EYA2: variants seen among roughly 807,000 people sequenced by gnomAD.
EYA2 encodes the protein protein phosphatase EYA2.
In EYA2, 31 loss-of-function variants were observed where a neutral mutation model predicts 69.2. That is an observed-to-expected ratio of 0.45 (90% CI 0.34 to 0.60). The LOEUF (loss-of-function observed/expected upper bound fraction) is 0.60, where lower values mean the gene tolerates loss of function less well. Among genes scored for constraint, EYA2 ranks in the 20% least tolerant of loss-of-function variants. The pLI is 0.02. For missense variants in EYA2, 622 were observed against 701.2 expected (o/e 0.89, Z 1.28); for synonymous variants, 257 against 279.4 (o/e 0.92, Z 0.80).
chr20:46,984,341 G>A (rs1981038335), intron 1 of EYA2, among the ~76,000 whole-genome samples: 1 of 150,828 alleles, frequency 6.6e-6, no homozygotes, highest in East Asian at 1.9e-4. Context: ...AAAACACATT[G>A]AATACCTAGA....
intron 11 of EYA2, 38 bp downstream of exon 11, chr20:47,169,235 T>C (rs3091653): frequency 0.53 from 846,451 of 1,589,888 alleles, 228,927 homozygotes; most frequent in African/African-American, 0.76. Flanking sequence ...CATTGATTGA[T>C]TGATTGATTA....
At chr20:46,939,739 T>C (rs1357014053) in intron 1 of EYA2, among the ~76,000 whole-genome samples, 1 of 152,218 alleles carries the variant, frequency 6.6e-6, no homozygotes, top group African/African-American at 2.4e-5. Flanking sequence ...TGTAAGAGTC[T>C]AACAGATGAC....
At chr20:47,057,524 T>A (rs1317201515) in intron 5 of EYA2, among the ~76,000 whole-genome samples, 1 of 122,078 alleles carries the variant, frequency 8.2e-6, no homozygotes, top group Admixed American at 7.9e-5. Flanking sequence ...CCCCCCCCCA[T>A]CTCATACCTC....
chr20:47,031,518 A>G (rs1280917822), intron 5 of EYA2, among the ~76,000 whole-genome samples: 2 of 152,230 alleles, frequency 1.3e-5, no homozygotes, highest in Non-Finnish European at 2.9e-5. Flanking sequence ...TAGGTCAGAC[A>G]CAGTGAAGCC....
At chr20:47,126,488 G>A (rs1164697647) in intron 9 of EYA2, among the ~76,000 whole-genome samples, 1 of 152,200 alleles carries the variant, frequency 6.6e-6, no homozygotes, top group African/African-American at 2.4e-5. Context: ...CTGTCTGGCT[G>A]CAGGAGTCAG....
At chr20:46,911,231 T>TTGTGTG (rs140564632) in intron 1 of EYA2, among the ~76,000 whole-genome samples, 8,488 of 148,256 alleles carry the variant, frequency 0.057, 344 homozygotes, top group East Asian at 0.24. Context: ...GCTGGATAAT[T>TTGTGTG]TGTGTGTGTG....
At chr20:47,011,506 C>T (rs1204718024) in intron 4 of EYA2, among the ~76,000 whole-genome samples, 1 of 152,164 alleles carries the variant, frequency 6.6e-6, no homozygotes, top group Non-Finnish European at 1.5e-5. Context: ...ATCACTCACC[C>T]TCTCCCCAAC....
At chr20:46,941,942 G>A (rs2146263681) in intron 1 of EYA2, among the ~76,000 whole-genome samples, 1 of 151,894 alleles carries the variant, frequency 6.6e-6, no homozygotes. Context: ...TTTTTTTGCA[G>A]AGATGGGATC....
At chr20:47,018,055 C>T (rs1983516558) in intron 5 of EYA2, among the ~76,000 whole-genome samples, 1 of 152,192 alleles carries the variant, frequency 6.6e-6, no homozygotes, top group African/African-American at 2.4e-5. Flanking sequence ...CCCATCTCTC[C>T]AAGTGGGGAG....
At chr20:46,900,248 C>T (rs1217372768) in intron 1 of EYA2, among the ~76,000 whole-genome samples, 1 of 152,026 alleles carries the variant, frequency 6.6e-6, no homozygotes, top group Admixed American at 6.5e-5. Flanking sequence ...CATATTTTTC[C>T]CCAAAGAATG....
chr20:47,023,357 T>A (rs777134965), intron 5 of EYA2, among the ~76,000 whole-genome samples: 3 of 117,322 alleles, frequency 2.6e-5, no homozygotes, highest in Admixed American at 8.6e-5. Flanking sequence ...TCTCTATCAC[T>A]GTTGTTGTTG....
chr20:47,151,109 G>T (rs1026174259), intron 10 of EYA2, among the ~76,000 whole-genome samples: 1 of 151,974 alleles, frequency 6.6e-6, no homozygotes, highest in Non-Finnish European at 1.5e-5. Flanking sequence ...AGTTGTTTGC[G>T]CCTGTAATCC....
At chr20:47,177,996 G>T (rs2034455540) in intron 12 of EYA2, among the ~76,000 whole-genome samples, 1 of 152,228 alleles carries the variant, frequency 6.6e-6, no homozygotes, top group Non-Finnish European at 1.5e-5. Flanking sequence ...ACCCAGCCTG[G>T]AGAGATCAGG....
intron 9 of EYA2, among the ~76,000 whole-genome samples, chr20:47,109,430 C>T (rs571768723): frequency 6.6e-6 from 1 of 152,096 alleles, no homozygotes; most frequent in Non-Finnish European, 1.5e-5. Flanking sequence ...AGTGTATAGC[C>T]TTTTGTTTGT....
intron 5 of EYA2, among the ~76,000 whole-genome samples, chr20:47,036,301 C>A (rs763759503): frequency 1.3e-5 from 2 of 152,162 alleles, no homozygotes; most frequent in East Asian, 3.9e-4. Flanking sequence ...TATTTTAAGG[C>A]ACTATTTAAA....
intron 1 of EYA2, among the ~76,000 whole-genome samples, chr20:46,969,517 C>T (rs751203973): frequency 1.3e-5 from 2 of 152,076 alleles, no homozygotes; most frequent in Non-Finnish European, 2.9e-5. Flanking sequence ...TCATTCTTCC[C>T]TGCCTTCCTC....
chr20:46,943,017 C>T (rs991313743), intron 1 of EYA2, among the ~76,000 whole-genome samples: 5 of 152,194 alleles, frequency 3.3e-5, no homozygotes, highest in South Asian at 2.1e-4. Flanking sequence ...CTGCCCGCCT[C>T]GGCCTCCCAA....
intron 5 of EYA2, among the ~76,000 whole-genome samples, chr20:47,018,826 C>T (rs892611196): frequency 1.3e-5 from 2 of 152,210 alleles, no homozygotes; most frequent in African/African-American, 4.8e-5. Flanking sequence ...CCTGAAACCG[C>T]AGAGCCAATA....
intron 9 of EYA2, among the ~76,000 whole-genome samples, chr20:47,104,596 T>C (rs1032250831): frequency 1.5e-4 from 23 of 152,260 alleles, no homozygotes; most frequent in African/African-American, 5.5e-4. Context: ...CCATTTTGAG[T>C]TAATTTGTGT....
Sources: gnomAD v4.1 joint callset for allele counts (sites outside exome capture counted in the v4.1 genomes callset) on GRCh38, gnomAD v4.1.1 for gene constraint, MANE v1.5 for transcripts, NCBI Gene and HGNC (gene_info 2026-07-23, HGNC 2026-07-21) for gene names.